The following KIAA1549 variants were observed in gnomAD, a reference collection of about 807,000 sequenced individuals.
KIAA1549 encodes the protein KIAA1549.
A neutral mutation model predicts 156.4 loss-of-function variants in KIAA1549; 70 were observed. That is an observed-to-expected ratio of 0.45 (90% confidence interval 0.37 to 0.55). KIAA1549 has a LOEUF of 0.55. Ranked by LOEUF, KIAA1549 falls within the 20% of genes least tolerant of loss-of-function variation. The pLI is 0.00. For missense variants in KIAA1549, 2,428 were observed against 2,540.9 expected (o/e 0.96, Z 0.96); for synonymous variants, 1,103 against 1,066.4 (o/e 1.03, Z -0.67).
At chr7:138,903,885 A>G in intron 7 of KIAA1549, 149 bp from the exon 8 acceptor site, 1 of 718,466 alleles carries the variant, frequency 1.4e-6, no homozygotes, top group Non-Finnish European at 2.1e-6. Context: ...ATGTATTTGA[A>G]ATTAATGCAA....
At chr7:138,903,791 CAGTGTGTGTGTG>C (rs1811911224) in intron 7 of KIAA1549, 55 bp from the exon 8 acceptor site, 1 of 1,352,584 alleles carries the variant, frequency 7.4e-7, no homozygotes, top group East Asian at 3.0e-5. Flanking sequence ...AGTAAAAAAA[CAGTGTGTGTGTG>C]TGTGTGTGTG....
intron 1 of KIAA1549, among the ~76,000 whole-genome samples, chr7:138,949,172 G>A (rs902017780): frequency 1.3e-5 from 2 of 152,072 alleles, no homozygotes; most frequent in Admixed American, 1.3e-4. Flanking sequence ...TCTACCAAGG[G>A]AAAATTTGTT....
At chr7:138,864,564 T>C (rs564362485) in intron 15 of KIAA1549, among the ~76,000 whole-genome samples, 1 of 152,340 alleles carries the variant, frequency 6.6e-6, no homozygotes, top group Non-Finnish European at 1.5e-5. Flanking sequence ...GTTTCACACA[T>C]AGATGTGTTC....
chr7:138,899,632 G>A (rs572382779), intron 8 of KIAA1549, among the ~76,000 whole-genome samples: 4 of 152,102 alleles, frequency 2.6e-5, no homozygotes, highest in African/African-American at 9.6e-5. Context: ...CCCTTGACAT[G>A]GGGTGCACTG....
chr7:138,931,941 C>T (rs956509699), intron 1 of KIAA1549, among the ~76,000 whole-genome samples: 1 of 152,024 alleles, frequency 6.6e-6, no homozygotes, highest in African/African-American at 2.4e-5. Context: ...TTGTTTTTCA[C>T]ATTTAAGACC....
chr7:138,832,309 G>C lies in KIAA1549; in HGVS notation c.*5597C>G, dbSNP rs542104844. The C allele has an allele frequency of 4.7e-4, 92 of 197,062 alleles. 2 individuals are homozygous for C. In the South Asian group the frequency reaches 0.016, roughly 34 times the overall value. The allele number at this position is 197,062 out of a possible 1,614,324, so 12.2% of individuals were successfully genotyped here. On this transcript the variant is annotated 3_prime_UTR_variant, in exon 20 of 20. Transcript: ENST00000422774. ...ACTCATTGGCTCAAGCGATCCTCCAGTCTTAGCCTTTCGAGTAGCTGGGAC... is the reference window on the plus strand; with the variant it reads ...ACTCATTGGCTCAAGCGATCCTCCACTCTTAGCCTTTCGAGTAGCTGGGAC...
In KIAA1549 at chr7:138,861,468, A is replaced by C. The variant is rs777559694; in HGVS notation, c.4930-12T>G. 6.3e-7 allele frequency: 1 copy of C among 1,598,348 alleles called. No individual in the cohort carries two copies. ...AGGTCAGGATCCGACTACAATGAGA[A>C]ATGGCAAAGGAAGAATCACACATGA... On this transcript the variant is annotated splice_polypyrimidine_tract_variant and intron_variant, in intron 15 of 19. Coordinates refer to ENST00000422774, the MANE Select transcript of KIAA1549 (RefSeq NM_001164665.2).
At chr7:138,968,721 G>A (rs1324048987) in intron 1 of KIAA1549, among the ~76,000 whole-genome samples, 6 of 151,962 alleles carry the variant, frequency 3.9e-5, no homozygotes, top group Non-Finnish European at 7.4e-5. Context: ...TTAGCCAGGC[G>A]TGGTGGCGGG....
Position 138,918,618 on chromosome 7 carries a change from G to A in KIAA1549, c.1008C>T (p.Thr336=). Residue 336 remains threonine, a synonymous_variant, in exon 2 of 20, where the codon ACC becomes ACT. Coordinates refer to ENST00000422774, the MANE Select transcript of KIAA1549 (RefSeq NM_001164665.2). The surrounding 1 kb of genome is among the most constrained non-coding windows in gnomAD (Gnocchi z 4.2). ...TTVLSQSLEE[T]ISPRTYPTVT... ...CAGTGGGGTATGTTCTTGGAGAGAT[G>A]GTTTCTTCTAGGCTTTGACTCAACA... 1 of 1,613,920 alleles carries A rather than the reference G, an allele frequency of 6.2e-7. No individual in the cohort carries two copies. The highest frequency in any genetic ancestry group is 8.5e-7 in the Non-Finnish European group (1 of 1,179,892).
rs1158477076 is a variant in KIAA1549 at position 138,919,235 on chromosome 7, T to C, written c.391A>G (p.Ser131Gly). The C allele has an allele frequency of 4.3e-6, 7 of 1,614,034 alleles. No individual in the cohort carries two copies. Among genetic ancestry groups the C allele is most frequent in the Non-Finnish European group, 5.9e-6 (7 of 1,179,902 alleles). Residue 131 changes from serine (S) to glycine (G), a missense_variant, in exon 2 of 20, where the codon AGT (serine) becomes GGT (glycine). Physicochemically the swap from Ser to Gly is moderately conservative, Grantham distance 56. Coordinates refer to ENST00000422774, the MANE Select transcript of KIAA1549 (RefSeq NM_001164665.2). Reference protein sequence around the residue: ...AFFNQGKQTKSTADPSIFVAT... With the variant: ...AFFNQGKQTKGTADPSIFVAT... Reference sequence around the variant, plus strand: ...ACAAAGATGCTGGGATCTGCTGTACTTTTGGTCTGTTTTCCTTGGTTAAAA... The same window carrying C: ...ACAAAGATGCTGGGATCTGCTGTACCTTTGGTCTGTTTTCCTTGGTTAAAA...
intron 18 of KIAA1549, among the ~76,000 whole-genome samples, chr7:138,842,013 T>C (rs1188097599): frequency 6.6e-6 from 1 of 152,186 alleles, no homozygotes; most frequent in African/African-American, 2.4e-5. Flanking sequence ...ACCAGGTCAG[T>C]TACTGAAAAA....
chr7:138,890,619 G>A (rs1379339465), intron 10 of KIAA1549, among the ~76,000 whole-genome samples: 2 of 152,306 alleles, frequency 1.3e-5, no homozygotes, highest in East Asian at 3.9e-4. Flanking sequence ...AGCCAGCTGT[G>A]GGTGAACTGA....
At chr7:138,848,421 T>A (rs1810139951) in intron 17 of KIAA1549, among the ~76,000 whole-genome samples, 1 of 152,226 alleles carries the variant, frequency 6.6e-6, no homozygotes, top group Non-Finnish European at 1.5e-5. Flanking sequence ...TCTATTGAAA[T>A]GACAAGATTT....
rs370409528 is a variant in KIAA1549, at chr7:138,901,325, TA to T, written c.3670-2194del. 3.2e-3 allele frequency among the ~76,000 whole-genome samples: 443 copies of T among 139,776 alleles called. 4 individuals are homozygous for T. The highest frequency in any genetic ancestry group is 0.013 in the African/African-American group (407 of 31,520). 91.7% of individuals were successfully genotyped at this position (139,776 alleles called of 152,430 possible). ...TACTTTTGTAGCCTCTCTTGAGTTT[TA>T]TTTTTTTTTTTTTTTTTGAGACAGA... On this transcript the variant is annotated intron_variant, in intron 8 of 19. Transcript: ENST00000422774.
Position 138,918,337 on chromosome 7 carries a change from T to A in KIAA1549, c.1289A>T (p.Gln430Leu), listed in dbSNP as rs770001154. Reference protein sequence around the residue: ...WCAACTVPSPQQVLATSLMEK... With the variant: ...WCAACTVPSPLQVLATSLMEK... The stretch of plus-strand genomic sequence containing the variant: ...CATGAGGCTCGTGGCCAGAACTTGC[T>A]GAGGTGAAGGCACAGTGCAGGCCGC... The change falls in exon 2 of 20, where the codon CAG (glutamine) becomes CTG (leucine). Residue 430 changes from glutamine to leucine, a missense_variant. By Grantham distance (113) the Gln-to-Leu change is moderately radical. This residue lies in a region of KIAA1549 where 893 missense variants were observed against 847.9 expected (regional missense o/e 1.05). Coordinates refer to ENST00000422774, the MANE Select transcript of KIAA1549 (RefSeq NM_001164665.2). This position sits in a 1 kb window ranked among gnomAD's most constrained non-coding sequence, Gnocchi z 4.2. 16 of 1,613,846 alleles carry A rather than the reference T, an allele frequency of 9.9e-6. No homozygotes were observed. Among genetic ancestry groups the A allele is most frequent in the Non-Finnish European group, 1.1e-5 (13 of 1,179,890 alleles).
chr7:138,838,195 C>T (rs895371748), intron 19 of KIAA1549, 35 bp from the exon 20 acceptor site: 42 of 1,444,384 alleles, frequency 2.9e-5, no homozygotes, highest in Non-Finnish European at 3.5e-5. Context: ...GTACTTCCTA[C>T]GAAGAATAAG....
chr7:138,904,052 G>A (rs1029843959), intron 7 of KIAA1549, among the ~76,000 whole-genome samples: 1 of 152,196 alleles, frequency 6.6e-6, no homozygotes, highest in African/African-American at 2.4e-5. Flanking sequence ...AGCACTGCAG[G>A]AGCTTTGGCG....
chr7:138,948,839 T>C (rs1442421501), intron 1 of KIAA1549, among the ~76,000 whole-genome samples: 1 of 151,924 alleles, frequency 6.6e-6, no homozygotes, highest in Non-Finnish European at 1.5e-5. Context: ...ATTACAGGCA[T>C]GTGCCACCAT....
At chr7:138,915,125 C>T (rs1458619340) in intron 2 of KIAA1549, among the ~76,000 whole-genome samples, 1 of 152,206 alleles carries the variant, frequency 6.6e-6, no homozygotes, top group Non-Finnish European at 1.5e-5. Context: ...GCCTAATCTC[C>T]AGCCATGATG....
Sources: gnomAD v4.1 joint callset for allele counts (sites outside exome capture counted in the v4.1 genomes callset) on GRCh38, gnomAD v4.1.1 for gene constraint, gnomAD v4.1.1 regional missense constraint, Gnocchi (gnomAD v3.1) non-coding constraint, MANE v1.5 for transcripts, NCBI Gene and HGNC (gene_info 2026-07-23, HGNC 2026-07-21) for gene names.